Variants in OSBPL10 observed in about 807,000 individuals in gnomAD.
OSBPL10 encodes the protein oxysterol binding protein like 10.
Under a neutral mutation model 81.7 loss-of-function variants are expected in OSBPL10, and 49 were observed. That is an observed-to-expected ratio of 0.60 (90% CI 0.48 to 0.76). The LOEUF (loss-of-function observed/expected upper bound fraction) is 0.76. Among genes scored for constraint, OSBPL10 ranks in the 30% least tolerant of loss-of-function variants. OSBPL10 has a pLI of 0.00. For missense variants in OSBPL10, 923 were observed against 987.8 expected (o/e 0.93, Z 0.88); for synonymous variants, 419 against 383.6 (o/e 1.09, Z -1.08).
intron 6 of OSBPL10, among the ~76,000 whole-genome samples, chr3:31,730,723 T>G (rs896982756): frequency 3.3e-5 from 5 of 152,202 alleles, no homozygotes; most frequent in African/African-American, 1.2e-4. Context: ...TTAAACAGAC[T>G]AAGCTTCAAA....
intron 2 of OSBPL10, among the ~76,000 whole-genome samples, chr3:32,029,935 A>G (rs528417214): frequency 6.6e-6 from 1 of 152,342 alleles, no homozygotes; most frequent in South Asian, 2.1e-4. Flanking sequence ...TATATCTGAA[A>G]GCAATAAACA....
chr3:31,738,234 C>A (rs60830112), intron 5 of OSBPL10, among the ~76,000 whole-genome samples: 10,887 of 151,978 alleles, frequency 0.072, 833 homozygotes, highest in African/African-American at 0.19. Context: ...ATATTTTCTC[C>A]GGCTTTTTAT....
chr3:31,975,111 A>C (rs1486862454), intron 1 of OSBPL10, among the ~76,000 whole-genome samples: 2 of 152,214 alleles, frequency 1.3e-5, no homozygotes, highest in African/African-American at 4.8e-5. Flanking sequence ...GGGAGTAGTT[A>C]ATACGAAGCA....
At chr3:31,673,976 G>A (rs931416709) in intron 8 of OSBPL10, among the ~76,000 whole-genome samples, 6 of 151,942 alleles carry the variant, frequency 3.9e-5, no homozygotes, top group Non-Finnish European at 7.4e-5. Context: ...ATAGAGACAA[G>A]GTCTCCCTGT....
At chr3:31,662,876 C>T (rs1700100548) in intron 11 of OSBPL10, 1 of 985,370 alleles carries the variant, frequency 1.0e-6, no homozygotes, top group Non-Finnish European at 1.2e-6. Flanking sequence ...ACAGAAGGAT[C>T]TTTCAAGGTT....
At chr3:31,823,385 G>A (rs773874856) in intron 4 of OSBPL10, among the ~76,000 whole-genome samples, 23 of 152,324 alleles carry the variant, frequency 1.5e-4, no homozygotes, top group Non-Finnish European at 2.6e-4. Flanking sequence ...TCTGTGGTCT[G>A]GCACATAGAA....
chr3:32,069,900 C>G (rs1172252270), intron 1 of OSBPL10, among the ~76,000 whole-genome samples: 2 of 152,216 alleles, frequency 1.3e-5, no homozygotes, highest in Non-Finnish European at 2.9e-5. Context: ...GCCACTGGGC[C>G]TCAGAATGCC....
intron 1 of OSBPL10, among the ~76,000 whole-genome samples, chr3:31,895,802 G>A (rs1201550001): frequency 6.6e-6 from 1 of 152,164 alleles, no homozygotes; most frequent in Non-Finnish European, 1.5e-5. Flanking sequence ...AAATTTACAT[G>A]AATGGGCAAG....
At chr3:32,017,773 C>G (rs920496728) in intron 2 of OSBPL10, among the ~76,000 whole-genome samples, 1 of 152,200 alleles carries the variant, frequency 6.6e-6, no homozygotes, top group Non-Finnish European at 1.5e-5. Flanking sequence ...AATTAGGTCA[C>G]TTTTAATTCT....
At chr3:32,049,010 A>G (rs1458833486) in intron 1 of OSBPL10, among the ~76,000 whole-genome samples, 1 of 151,424 alleles carries the variant, frequency 6.6e-6, no homozygotes, top group Non-Finnish European at 1.5e-5. Context: ...TGCCATTGCA[A>G]CATCCGGAAG....
At chr3:31,951,056 A>G (rs1485811395) in intron 1 of OSBPL10, among the ~76,000 whole-genome samples, 1 of 152,226 alleles carries the variant, frequency 6.6e-6, no homozygotes, top group Non-Finnish European at 1.5e-5. Flanking sequence ...TCAACATCAC[A>G]AGGAAATTCT....
At chr3:31,755,648 T>C (rs779614402) in intron 4 of OSBPL10, among the ~76,000 whole-genome samples, 22 of 152,298 alleles carry the variant, frequency 1.4e-4, no homozygotes, top group Admixed American at 2.6e-4. Flanking sequence ...AATTTGACAC[T>C]TTATCATGTG....
intron 2 of OSBPL10, among the ~76,000 whole-genome samples, chr3:32,045,650 T>G (rs1699613841): frequency 6.6e-6 from 1 of 152,182 alleles, no homozygotes. Context: ...TATGCCAGCC[T>G]CTCAAGGCTT....
At position 31,661,971 on chromosome 3, in the gene OSBPL10, A is replaced by G. The variant is rs1220057260; in HGVS notation, c.*101T>C. ...CTCTCTCATCATTTCTTGGATGCTA[A>G]TACAAGGTCTCAGTGAATGCCAACA... On this transcript the variant is annotated 3_prime_UTR_variant, in exon 12 of 12. Coordinates refer to ENST00000396556, the MANE Select transcript of OSBPL10 (RefSeq NM_017784.5). The G allele has an allele frequency of 4.0e-6, 6 of 1,493,528 alleles. No individual in the cohort carries two copies. The highest frequency in any genetic ancestry group is 1.4e-5 in the African/African-American group (1 of 71,220). The allele number at this position is 1,493,528 out of a possible 1,614,324, so 92.5% of individuals were successfully genotyped here.
intron 10 of OSBPL10, among the ~76,000 whole-genome samples, chr3:31,667,114 G>A (rs1700210566): frequency 6.6e-6 from 1 of 152,230 alleles, no homozygotes; most frequent in Admixed American, 6.5e-5. Context: ...AAAGTAGCAG[G>A]TGATCACAGT....
At chr3:31,731,572 T>G (rs1696973465) in intron 6 of OSBPL10, among the ~76,000 whole-genome samples, 1 of 151,874 alleles carries the variant, frequency 6.6e-6, no homozygotes, top group Non-Finnish European at 1.5e-5. Flanking sequence ...CACTGCAGCC[T>G]CTGCCTCCTG....
chr3:31,817,763 C>G (rs753618336), intron 4 of OSBPL10, among the ~76,000 whole-genome samples: 30 of 152,202 alleles, frequency 2.0e-4, no homozygotes, highest in Non-Finnish European at 3.1e-4. Context: ...TACTCCACCT[C>G]AGAAGGGGCG....
At chr3:31,815,813 C>G (rs1414852331) in intron 4 of OSBPL10, among the ~76,000 whole-genome samples, 1 of 152,206 alleles carries the variant, frequency 6.6e-6, no homozygotes, top group African/African-American at 2.4e-5. Flanking sequence ...ACTCAGCCAA[C>G]GTCTCTCTGC....
chr3:31,665,395 T>C (rs1426270510), intron 10 of OSBPL10, among the ~76,000 whole-genome samples: 1 of 152,162 alleles, frequency 6.6e-6, no homozygotes, highest in Non-Finnish European at 1.5e-5. Context: ...TGCCCATCTT[T>C]AGGTCCTGGG....
Sources: allele counts gnomAD v4.1 joint callset (sites outside exome capture counted in the v4.1 genomes callset), GRCh38; gene constraint gnomAD v4.1.1; transcripts MANE v1.5; gene names NCBI Gene and HGNC (gene_info 2026-07-23, HGNC 2026-07-21).